The following DENND2C variants were observed in gnomAD, a reference collection of about 807,000 sequenced individuals.
DENND2C encodes the protein DENN domain-containing protein 2C.
In DENND2C, 72 loss-of-function variants were observed where a neutral mutation model predicts 112.4. The observed-to-expected ratio is 0.64, with a 90% CI of 0.53 to 0.78. DENND2C has a LOEUF of 0.78. Ranked by LOEUF, DENND2C falls within the 30% of genes least tolerant of loss-of-function variation. The pLI, the probability that DENND2C is intolerant of heterozygous loss-of-function variation, is 0.00. For synonymous variants in DENND2C, 329 were observed against 381.6 expected (o/e 0.86, Z 1.61); for missense variants, 992 against 1,113.8 (o/e 0.89, Z 1.56).
intron 1 of DENND2C, among the ~76,000 whole-genome samples, chr1:114,656,252 T>C (rs539110306): frequency 6.6e-6 from 1 of 152,114 alleles, no homozygotes; most frequent in African/African-American, 2.4e-5. Flanking sequence ...AAAAACTTTT[T>C]TTGTAGAAAT....
At chr1:114,594,840 T>C (rs1424987006) in intron 17 of DENND2C, among the ~76,000 whole-genome samples, 1 of 152,254 alleles carries the variant, frequency 6.6e-6, no homozygotes, top group Non-Finnish European at 1.5e-5. Flanking sequence ...TCTTCTGTTA[T>C]ATTATGAAGA....
Position 114,651,467 on chromosome 1 carries a change from AG to A in DENND2C, c.-317+3037del, listed in dbSNP as rs577668972. Among the ~76,000 whole-genome samples the A allele has an allele frequency of 3.5e-3, 527 of 151,736 alleles. 4 individuals are homozygous for A. The highest frequency in any genetic ancestry group is 0.012 in the African/African-American group (484 of 41,324). ...ACTGTCCCTAAAAATAAAAAATAAA[AG>A]TAAAAAGTGCCTGTAATCCCAGCAC... On this transcript the variant is annotated intron_variant, in intron 2 of 20. Coordinates refer to ENST00000393274, the MANE Select transcript of DENND2C (RefSeq NM_001256404.2).
At chr1:114,649,380 TTTTTGTTTTG>T (rs970795879) in intron 2 of DENND2C, among the ~76,000 whole-genome samples, 1 of 152,026 alleles carries the variant, frequency 6.6e-6, no homozygotes, top group Admixed American at 6.6e-5. Context: ...TTTCCTAGTG[TTTTTGTTTTG>T]TTTTGTTTTT....
intron 8 of DENND2C, among the ~76,000 whole-genome samples, chr1:114,612,018 A>T (rs929474805): frequency 1.3e-5 from 2 of 152,238 alleles, no homozygotes; most frequent in African/African-American, 4.8e-5. Context: ...CATTGCAGAC[A>T]CAAGGCTAAG....
intron 2 of DENND2C, among the ~76,000 whole-genome samples, chr1:114,650,403 G>A (rs576151794): frequency 1.3e-5 from 2 of 151,748 alleles, no homozygotes; most frequent in African/African-American, 2.4e-5. Flanking sequence ...GGTGGCTCAC[G>A]CCTGTAATCC....
intron 3 of DENND2C, among the ~76,000 whole-genome samples, chr1:114,634,005 G>A (rs1056954451): frequency 3.9e-5 from 6 of 152,174 alleles, no homozygotes; most frequent in Admixed American, 6.5e-5. Flanking sequence ...GTAGACTCCT[G>A]AGCAAGAAAT....
chr1:114,622,195 C>T (rs995819221), intron 6 of DENND2C, 130 bp from the exon 7 acceptor site: 1 of 936,434 alleles, frequency 1.1e-6, no homozygotes, highest in Non-Finnish European at 1.5e-6. Flanking sequence ...CTCATTGCAG[C>T]CTTGATCTCC....
chr1:114,615,471 A>G (rs967893556), intron 8 of DENND2C, among the ~76,000 whole-genome samples: 1 of 152,248 alleles, frequency 6.6e-6, no homozygotes, highest in Non-Finnish European at 1.5e-5. Flanking sequence ...TTGTAAAATT[A>G]TAATAGTCCC....
chr1:114,600,766 G>C, intron 14 of DENND2C, 54 bp downstream of exon 14: 1 of 1,583,812 alleles, frequency 6.3e-7, no homozygotes, highest in East Asian at 2.2e-5. Flanking sequence ...CTGCCTACTA[G>C]TGTAAGTCCT....
chr1:114,638,711 G>A (rs1196253287), intron 3 of DENND2C, among the ~76,000 whole-genome samples: 3 of 141,358 alleles, frequency 2.1e-5, no homozygotes, highest in African/African-American at 5.3e-5. Context: ...TGTAGTGAGC[G>A]ATGATTACAC....
Position 114,585,614 on chromosome 1 carries a change from G to T in DENND2C, c.2773C>A (p.Leu925Met). Residue 925 changes from leucine to methionine, a missense_variant, in exon 21 of 21, where the codon CTG (leucine) becomes ATG (methionine). By Grantham distance (15) the Leu-to-Met change is conservative. Transcript: ENST00000393274. The part of the protein sequence containing the change: ...LRSLGSKMKF[L>M]QKK ...AATCAGAGATTTCATTTCTTTTGCA[G>T]AAATTTCATTTTGCTTCCTAAAGGG... 2.5e-6 allele frequency: 4 copies of T among 1,613,784 alleles called. No individual in the cohort carries two copies. The highest frequency in any genetic ancestry group is 3.4e-6 in the Non-Finnish European group (4 of 1,179,806).
intron 1 of DENND2C, among the ~76,000 whole-genome samples, chr1:114,662,135 T>C (rs1193378021): frequency 6.6e-6 from 1 of 152,200 alleles, no homozygotes; most frequent in African/African-American, 2.4e-5. Flanking sequence ...GCAGCCTATG[T>C]CATTTCCTCA....
intron 8 of DENND2C, among the ~76,000 whole-genome samples, chr1:114,612,351 A>G: frequency 7.2e-6 from 1 of 139,178 alleles, no homozygotes; most frequent in East Asian, 2.1e-4. Flanking sequence ...GCAGTTATAA[A>G]TTTTTTTTTT....
rs139058509 is a variant in DENND2C at position 114,600,903 on chromosome 1, T to C, written c.1873A>G (p.Met625Val). ...AAAGGAGCTTCCATGACACTTCGCA[T>C]GAATGGGTAAACAAGGGCTGGAGAC... is the stretch of plus-strand genomic sequence containing the variant. ...EMSPALVYPF[M>V]RSVMEAPFPA... The change falls in exon 14 of 21, where the codon ATG becomes GTG. Residue 625 changes from methionine (M) to valine (V), a missense_variant. Coordinates refer to ENST00000393274, the MANE Select transcript of DENND2C (RefSeq NM_001256404.2). 1 of 1,613,942 alleles carries C rather than the reference T, an allele frequency of 6.2e-7. No individual in the cohort carries two copies. Among genetic ancestry groups the C allele is most frequent in the Admixed American group, 1.7e-5 (1 of 59,994 alleles).
At chr1:114,636,765 C>G (rs1217045971) in intron 3 of DENND2C, among the ~76,000 whole-genome samples, 1 of 150,976 alleles carries the variant, frequency 6.6e-6, no homozygotes, top group Non-Finnish European at 1.5e-5. Flanking sequence ...TTTTTTCCTG[C>G]AAACAATATG....
At chr1:114,599,529 T>G in intron 15 of DENND2C, 78 bp from the exon 16 acceptor site, 1 of 1,195,964 alleles carries the variant, frequency 8.4e-7, no homozygotes, top group Non-Finnish European at 1.1e-6. Context: ...GTTAAAGAAT[T>G]AAAAATTGAT....
chr1:114,621,618 TC>T (rs1216246893), intron 7 of DENND2C, among the ~76,000 whole-genome samples: 1 of 152,212 alleles, frequency 6.6e-6, no homozygotes, highest in Non-Finnish European at 1.5e-5. Context: ...TTCTGGTGCT[TC>T]CTTGAAATAG....
chr1:114,596,966 G>A (rs1404640406), intron 16 of DENND2C, among the ~76,000 whole-genome samples: 1 of 151,716 alleles, frequency 6.6e-6, no homozygotes, highest in East Asian at 1.9e-4. Flanking sequence ...AGATGATATA[G>A]GAGGATATTT....
chr1:114,618,494 C>T lies in DENND2C; in HGVS notation c.1228-12G>A. The T allele has an allele frequency of 2.0e-6, 3 of 1,508,370 alleles. No individual in the cohort carries two copies. The highest frequency in any genetic ancestry group is 2.7e-6 in the Non-Finnish European group (3 of 1,118,656). 93.4% of individuals were successfully genotyped at this position (1,508,370 alleles called of 1,614,324 possible). On this transcript the variant is annotated splice_polypyrimidine_tract_variant and intron_variant, in intron 7 of 20. Coordinates refer to ENST00000393274, the MANE Select transcript of DENND2C (RefSeq NM_001256404.2). ...ATTTTCAATACAAGCTGAAAAAAGACCAGAAAAATACAAATTAAGACCAAC... is the reference window on the plus strand; with the variant it reads ...ATTTTCAATACAAGCTGAAAAAAGATCAGAAAAATACAAATTAAGACCAAC...
Sources: gnomAD v4.1 joint callset for allele counts (sites outside exome capture counted in the v4.1 genomes callset) on GRCh38, gnomAD v4.1.1 for gene constraint, MANE v1.5 for transcripts, NCBI Gene and HGNC (gene_info 2026-07-23, HGNC 2026-07-21) for gene names.